KRT19: variants seen among roughly 807,000 people sequenced by gnomAD.
The protein encoded by KRT19 is keratin, type I cytoskeletal 19.
In KRT19, 21 loss-of-function variants were observed where a neutral mutation model predicts 34.6. The observed-to-expected ratio is 0.61, with a 90% CI of 0.43 to 0.87. The LOEUF is 0.87. KRT19 is among the 40% of genes least tolerant of loss of function. KRT19 has a pLI of 0.00. For synonymous variants in KRT19, 240 were observed against 245.8 expected, an observed-to-expected ratio of 0.98 and a Z score of 0.22; for missense variants, 514 against 545.7, an observed-to-expected ratio of 0.94 and a Z score of 0.58.
At chr17:41,525,838 G>A (rs1045569510) in intron 1 of KRT19, among the ~76,000 whole-genome samples, 2 of 152,182 alleles carry the variant, frequency 1.3e-5, no homozygotes, top group Non-Finnish European at 2.9e-5. Flanking sequence ...CCTAAGAGGC[G>A]CATTCACAAC....
Position 41,523,663 on chromosome 17 carries a change from G to C in KRT19, c.*80C>G. 7.0e-7 allele frequency: 1 copy of C among 1,427,874 alleles called. No homozygotes were observed. Among genetic ancestry groups the C allele is most frequent in the Non-Finnish European group, 9.7e-7 (1 of 1,034,166 alleles). 88.5% of individuals were successfully genotyped at this position (1,427,874 alleles called of 1,614,324 possible). On this transcript the variant is annotated 3_prime_UTR_variant, in exon 6 of 6. Transcript: ENST00000361566. Reference sequence around the variant, plus strand: ...ATTGGCAGGTCAGGAGAAGAGCCGGGGGTAAGGGTCCCTTCCTTCCCATCC... The same window carrying C: ...ATTGGCAGGTCAGGAGAAGAGCCGGCGGTAAGGGTCCCTTCCTTCCCATCC...
intron 1 of KRT19, among the ~76,000 whole-genome samples, chr17:41,527,054 G>A (rs1009565141): frequency 6.6e-6 from 1 of 152,064 alleles, no homozygotes; most frequent in Non-Finnish European, 1.5e-5. Flanking sequence ...CATGGCTTCT[G>A]ATACATTTCT....
At chr17:41,525,067 C>T in intron 2 of KRT19, 68 bp from the exon 3 acceptor site, 4 of 1,597,122 alleles carry the variant, frequency 2.5e-6, no homozygotes, top group Non-Finnish European at 3.4e-6. Flanking sequence ...CCTACCTCCC[C>T]AGAGTTCAGG....
intron 1 of KRT19, chr17:41,525,617 G>GCCCCC (rs370300972): frequency 4.5e-4 from 120 of 269,156 alleles, no homozygotes; most frequent in African/African-American, 2.6e-3. Flanking sequence ...GTCTATACCT[G>GCCCCC]CCCCCCCCAC....
At chr17:41,524,761 C>T (rs1386444603) in intron 3 of KRT19, 82 bp downstream of exon 3, 16 of 1,505,492 alleles carry the variant, frequency 1.1e-5, no homozygotes, top group Middle Eastern at 2.3e-4. Context: ...AGTGTTACCA[C>T]GGTCAGAGAA....
chr17:41,524,673 A>G, intron 3 of KRT19, 133 bp from the exon 4 acceptor site: 1 of 1,239,224 alleles, frequency 8.1e-7, no homozygotes, highest in Non-Finnish European at 1.2e-6. Context: ...ACTGGGGGAC[A>G]GACTGGGTCA....
chr17:41,527,683 T>A, intron 1 of KRT19, 145 bp downstream of exon 1: 1 of 841,626 alleles, frequency 1.2e-6, no homozygotes, highest in Non-Finnish European at 1.8e-6. Context: ...ACGTCTCCTG[T>A]CCCCCTTTAC....
rs372117019 is a variant in KRT19 at position 41,528,292 on chromosome 17, C to T, written c.-45G>A. 521 of 1,482,636 alleles carry T rather than the reference C, an allele frequency of 3.5e-4. No homozygotes were observed. Among genetic ancestry groups the T allele is most frequent in the Non-Finnish European group, 4.3e-4 (485 of 1,126,516 alleles). 91.8% of individuals were successfully genotyped at this position (1,482,636 alleles called of 1,614,324 possible). ...GGAGCAACCCTGGTCTCAGAAGCTG[C>T]GATTCGCGGGAGGAGCGGCGAGGCC... On this transcript the variant is annotated 5_prime_UTR_variant, in exon 1 of 6. Transcript: ENST00000361566.
chr17:41,528,096 C>T lies in KRT19; in HGVS notation c.152G>A (p.Arg51His), dbSNP rs1905935478. The T allele has an allele frequency of 6.2e-7, 1 of 1,609,596 alleles. No individual in the cohort carries two copies. Among genetic ancestry groups the T allele is most frequent in the African/African-American group, 1.3e-5 (1 of 74,822 alleles). Residue 51 changes from arginine to histidine, a missense_variant, in exon 1 of 6, where the codon CGC (arginine) becomes CAC (histidine). Transcript: ENST00000361566. ...CCCCGAGGAGGACGAGGACACAAAG[C>T]GGGCGGAGGACACGGATACGCCGCG... The part of the protein sequence containing the change: ...GGRGVSVSSA[R>H]FVSSSSSGAY...
rs1194184199 is a variant in KRT19 at position 41,523,974 on chromosome 17, C to G, written c.972G>C (p.Leu324=). ...CTCCAAAGCGCGCCTCCGTTTCTGCCAGTGTGTCTTCCAAGGCAGCTTTCT... is the reference window on the plus strand; with the variant it reads ...CTCCAAAGCGCGCCTCCGTTTCTGCGAGTGTGTCTTCCAAGGCAGCTTTCT... The part of the protein sequence containing the change: ...LSMKAALEDT[L]AETEARFGAQ... Residue 324 remains leucine (L), a synonymous_variant, in exon 6 of 6, where the codon CTG becomes CTC. Coordinates refer to ENST00000361566, the MANE Select transcript of KRT19 (RefSeq NM_002276.5). 1.2e-6 allele frequency: 2 copies of G among 1,611,916 alleles called. No individual in the cohort carries two copies. The highest frequency in any genetic ancestry group is 2.7e-5 in the African/African-American group (2 of 74,904).
intron 2 of KRT19, 90 bp from the exon 3 acceptor site, chr17:41,525,089 G>T (rs1331137214): frequency 1.9e-6 from 3 of 1,579,990 alleles, no homozygotes; most frequent in African/African-American, 2.7e-5. Context: ...GTCCATAGGG[G>T]GGTTAGCTTC....
At position 41,524,406 on chromosome 17, in the gene KRT19, C is replaced by T. The variant is rs865875688; in HGVS notation, c.795G>A (p.Lys265=). Residue 265 remains lysine (K), a synonymous_variant, in exon 4 of 6, where the codon AAG becomes AAA. Coordinates refer to ENST00000361566, the MANE Select transcript of KRT19 (RefSeq NM_002276.5). ...QYEVMAEQNR[K]DAEAWFTSRT... Reference sequence around the variant, plus strand: ...GGCTGGTGAACCAGGCTTCAGCATCCTTCCGGTTCTGCTCGGCCATGACCT... The same window carrying T: ...GGCTGGTGAACCAGGCTTCAGCATCTTTCCGGTTCTGCTCGGCCATGACCT... The T allele has an allele frequency of 1.2e-6, 2 of 1,614,104 alleles. No individual in the cohort carries two copies. The highest frequency in any genetic ancestry group is 1.7e-6 in the Non-Finnish European group (2 of 1,180,050).
chr17:41,524,504 C>A lies in KRT19; in HGVS notation c.697G>T (p.Val233Phe). The change falls in exon 4 of 6, where the codon GTC (valine) becomes TTC (phenylalanine). Residue 233 changes from valine (V) to phenylalanine (F), a missense_variant. Transcript: ENST00000361566. ...STLRGQVGGQ[V>F]SVEVDSAPGT... ...GGAGCGGAATCCACCTCCACACTGA[C>A]CTGGCCTCCCACTTGGCCCCTCAGC... is the stretch of plus-strand genomic sequence containing the variant. The A allele has an allele frequency of 6.2e-7, 1 of 1,614,174 alleles. No homozygotes were observed. The highest frequency in any genetic ancestry group is 8.5e-7 in the Non-Finnish European group (1 of 1,180,038).
In KRT19 at chr17:41,524,571, A is replaced by AGGGCCCAGACCCCACTGGGCC. The variant is rs767195998; in HGVS notation, c.661-52_661-32dup. On this transcript the variant is annotated intron_variant, in intron 3 of 5. Coordinates refer to ENST00000361566, the MANE Select transcript of KRT19 (RefSeq NM_002276.5). ...AAGATACAGCAGAGATGGGCATGTC[A>AGGGCCCAGACCCCACTGGGCC]GGGCCCAGACCCCACTGGGCCTGGC... The AGGGCCCAGACCCCACTGGGCC allele has an allele frequency of 2.2e-5, 35 of 1,611,592 alleles. No individual in the cohort carries two copies. The African/African-American group carries it at 4.7e-4, about 22-fold the overall frequency.
In KRT19 at chr17:41,523,925, G is replaced by A. The variant is rs749123015; in HGVS notation, c.1021C>T (p.Leu341=). 3 of 1,613,904 alleles carry A rather than the reference G, an allele frequency of 1.9e-6. No individual in the cohort carries two copies. The highest frequency in any genetic ancestry group is 1.3e-5 in the African/African-American group (1 of 74,948). The change falls in exon 6 of 6, where the codon CTG becomes TTG. Residue 341 remains leucine, a synonymous_variant. Coordinates refer to ENST00000361566, the MANE Select transcript of KRT19 (RefSeq NM_002276.5). Reference sequence around the variant, plus strand: ...AGCTGGGCTTCAATACCGCTGATCAGCGCCTGGATATGCGCCAGCTGGGCT... The same window carrying A: ...AGCTGGGCTTCAATACCGCTGATCAACGCCTGGATATGCGCCAGCTGGGCT... ...FGAQLAHIQA[L]ISGIEAQLGD...
rs755079909 is a variant in KRT19 at position 41,527,854 on chromosome 17, TG to T, written c.393del (p.Tyr131Ter). The stretch of plus-strand genomic sequence containing the variant: ...TTGTCCCGCAGGTCCTGGATGGTCG[TG>T]TAGTAGTGGCTGTAGTCGCGGGAGG... ...PGPSRDYSHY[Y>X]TTIQDLRDKI... On this transcript the variant is annotated frameshift_variant, in exon 1 of 6. Transcript: ENST00000361566. LOFTEE classifies it high-confidence loss of function. 6.2e-7 allele frequency: 1 copy of T among 1,610,856 alleles called. No individual in the cohort carries two copies. Among genetic ancestry groups the T allele is most frequent in the East Asian group, 2.2e-5 (1 of 44,786 alleles).
At position 41,524,178 on chromosome 17, in the gene KRT19, C is replaced by A; in HGVS notation, c.913G>T (p.Gly305Cys). The change falls in exon 5 of 6, where the codon GGT (glycine) becomes TGT (cysteine). Residue 305 changes from glycine (G) to cysteine (C), a missense_variant. Coordinates refer to ENST00000361566, the MANE Select transcript of KRT19 (RefSeq NM_002276.5). ...EVTDLRRTLQGLEIELQSQLS... is the reference protein window; with the variant it reads ...EVTDLRRTLQCLEIELQSQLS... ...TGTGACTGCAGCTCAATCTCAAGAC[C>A]CTGAAGGGTGCGCCGCAGGTCAGTA... 6.2e-7 allele frequency: 1 copy of A among 1,614,080 alleles called. No homozygotes were observed. Among genetic ancestry groups the A allele is most frequent in the South Asian group, 1.1e-5 (1 of 91,068 alleles).
chr17:41,525,476 A>C, intron 1 of KRT19: 4 of 546,132 alleles, frequency 7.3e-6, no homozygotes, highest in East Asian at 3.2e-5. Context: ...CAGGAAGAAA[A>C]CTGGAGCCAG....
intron 1 of KRT19, among the ~76,000 whole-genome samples, chr17:41,526,472 G>T (rs1452866200): frequency 1.3e-5 from 2 of 150,484 alleles, no homozygotes; most frequent in East Asian, 3.9e-4. Flanking sequence ...TTTGATACAG[G>T]GTCTCGCTGT....
Sources: allele counts gnomAD v4.1 joint callset (sites outside exome capture counted in the v4.1 genomes callset), GRCh38; gene constraint gnomAD v4.1.1; transcripts MANE v1.5; gene names NCBI Gene and HGNC (gene_info 2026-07-23, HGNC 2026-07-21).